The following TRIM2 variants were observed in gnomAD, a reference collection of about 807,000 sequenced individuals.
TRIM2 encodes the protein tripartite motif containing 2.
TRIM2 carries 20 observed loss-of-function variants against 75.2 expected under a neutral mutation model. The ratio of observed to expected loss-of-function variants is 0.27; its 90% confidence interval spans 0.19 to 0.39. TRIM2 has a LOEUF of 0.39. Ranked by LOEUF, TRIM2 falls within the 10% of genes least tolerant of loss-of-function variation. TRIM2 has a pLI of 1.00. For missense variants in TRIM2, 660 were observed against 990.8 expected (o/e 0.67, Z 4.48); for synonymous variants, 373 against 388.3 (o/e 0.96, Z 0.46).
intron 6 of TRIM2, among the ~76,000 whole-genome samples, chr4:153,302,278 T>C (rs1043384352): frequency 6.6e-6 from 1 of 152,218 alleles, no homozygotes; most frequent in Non-Finnish European, 1.5e-5. Context: ...ATCCAGTATC[T>C]AGTCAAAAGA....
In TRIM2 at chr4:153,336,522, T is replaced by G. The variant is rs2149612255; in HGVS notation, c.*1556T>G. 1.0e-6 allele frequency: 1 copy of G among 985,820 alleles called. No homozygotes were observed. Among genetic ancestry groups the G allele is most frequent in the South Asian group, 4.7e-5 (1 of 21,290 alleles). The allele number at this position is 985,820 out of a possible 1,614,324, so 61.1% of individuals were successfully genotyped here. ...TACTGTAAAATAAGCTGTGGTCTATTTCCACTGTTTAATTTTCTACTCAGT... is the reference window on the plus strand; with the variant it reads ...TACTGTAAAATAAGCTGTGGTCTATGTCCACTGTTTAATTTTCTACTCAGT... On this transcript the variant is annotated 3_prime_UTR_variant, in exon 12 of 12. Transcript: ENST00000338700.
chr4:153,270,290 T>C, intron 1 of TRIM2, 45 bp from the exon 2 acceptor site: 1 of 1,578,212 alleles, frequency 6.3e-7, no homozygotes. Context: ...GACTTGTACC[T>C]ACAGATCATT....
chr4:153,169,072 TATCTCAAAAA>T (rs566629659), intron 1 of TRIM2, among the ~76,000 whole-genome samples: 344 of 149,490 alleles, frequency 2.3e-3, no homozygotes, highest in African/African-American at 7.6e-3. Context: ...GAGCGAGACT[TATCTCAAAAA>T]AAAAAGTCTT....
intron 6 of TRIM2, among the ~76,000 whole-genome samples, chr4:153,307,463 G>A (rs1765273059): frequency 1.3e-5 from 2 of 152,110 alleles, no homozygotes; most frequent in Admixed American, 1.3e-4. Context: ...TTTTTTACTT[G>A]TTTCTAAAGT....
intron 1 of TRIM2, among the ~76,000 whole-genome samples, chr4:153,196,597 T>G (rs544299812): frequency 3.9e-5 from 6 of 152,240 alleles, no homozygotes; most frequent in Non-Finnish European, 8.8e-5. Flanking sequence ...GCTGTATTCA[T>G]GTCATTACCG....
chr4:153,174,802 G>A (rs1731244998), intron 1 of TRIM2, among the ~76,000 whole-genome samples: 1 of 152,212 alleles, frequency 6.6e-6, no homozygotes, highest in African/African-American at 2.4e-5. Context: ...CATAAAGACA[G>A]GTGAGAGGAA....
In TRIM2 at chr4:153,336,788, T is replaced by A; in HGVS notation, c.*1822T>A. ...TAAATTTATTATGCCCAAATCAACC[T>A]CTGAAAAAAGGTTTTTCCAGGAAGA... On this transcript the variant is annotated 3_prime_UTR_variant, in exon 12 of 12. Transcript: ENST00000338700. The A allele has an allele frequency of 1.0e-6, 1 of 985,680 alleles. No homozygotes were observed. 61.1% of individuals were successfully genotyped at this position (985,680 alleles called of 1,614,324 possible). A position where few individuals can be genotyped will look rare whatever the true frequency, so the allele number is the denominator to read the frequency against.
rs1413044758 is a variant in TRIM2, at chr4:153,339,054, C to G, written c.*4088C>G. 1.0e-6 allele frequency: 1 copy of G among 985,276 alleles called. No homozygotes were observed. Among genetic ancestry groups the G allele is most frequent in the African/African-American group, 1.8e-5 (1 of 57,084 alleles). 61.0% of individuals were successfully genotyped at this position (985,276 alleles called of 1,614,324 possible). A position where few individuals can be genotyped will look rare whatever the true frequency, so the allele number is the denominator to read the frequency against. The stretch of plus-strand genomic sequence containing the variant: ...TATAGAACACTAAGTCTTGCACTCT[C>G]TGACATTGATACTGATATATTCTCG... On this transcript the variant is annotated 3_prime_UTR_variant, in exon 12 of 12. Transcript: ENST00000338700.
chr4:153,181,419 A>T (rs946496076), intron 1 of TRIM2, among the ~76,000 whole-genome samples: 1 of 152,128 alleles, frequency 6.6e-6, no homozygotes, highest in African/African-American at 2.4e-5. Context: ...CGACCATGTG[A>T]TGGCCAGGTT....
chr4:153,338,312 T>C lies in TRIM2; in HGVS notation c.*3346T>C, dbSNP rs1369932340. 4 of 985,714 alleles carry C rather than the reference T, an allele frequency of 4.1e-6. No individual in the cohort carries two copies. Among genetic ancestry groups the C allele is most frequent in the Non-Finnish European group, 4.8e-6 (4 of 829,922 alleles). The allele number at this position is 985,714 out of a possible 1,614,324, so 61.1% of individuals were successfully genotyped here. A position where few individuals can be genotyped will look rare whatever the true frequency, so the allele number is the denominator to read the frequency against. On this transcript the variant is annotated 3_prime_UTR_variant, in exon 12 of 12. Transcript: ENST00000338700. Reference sequence around the variant, plus strand: ...TAGGTAATCTGCAGATTACTTCAAATGGGAAAAATCTTTTTGTAGACTCTA... The same window carrying C: ...TAGGTAATCTGCAGATTACTTCAAACGGGAAAAATCTTTTTGTAGACTCTA...
chr4:153,338,484 G>C lies in TRIM2; in HGVS notation c.*3518G>C, dbSNP rs1772708430. Reference sequence around the variant, plus strand: ...TATCTAATTTAGCTTAAAAGTGAAAGTGGTAATACTGTTGGTTTCTGTAAA... The same window carrying C: ...TATCTAATTTAGCTTAAAAGTGAAACTGGTAATACTGTTGGTTTCTGTAAA... On this transcript the variant is annotated 3_prime_UTR_variant, in exon 12 of 12. Coordinates refer to ENST00000338700, the MANE Select transcript of TRIM2 (RefSeq NM_015271.5). 7.1e-6 allele frequency: 7 copies of C among 985,424 alleles called. No homozygotes were observed. The highest frequency in any genetic ancestry group is 1.7e-5 in the African/African-American group (1 of 57,178). The allele number at this position is 985,424 out of a possible 1,614,324, so 61.0% of individuals were successfully genotyped here.
chr4:153,261,842 A>AT (rs1753660194), intron 1 of TRIM2, among the ~76,000 whole-genome samples: 1 of 152,266 alleles, frequency 6.6e-6, no homozygotes, highest in South Asian at 2.1e-4. Context: ...GGACATAGGC[A>AT]TTTTTCTCTC....
chr4:153,207,402 T>C lies in TRIM2; in HGVS notation c.30+2842T>C, dbSNP rs77234443. ...ACGAACCTGGAGTCCAGCCTCACTT[T>C]CGTTGTTTTACTTATATGTTATTGG... On this transcript the variant is annotated intron_variant, in intron 1 of 11. Transcript: ENST00000338700. Among the ~76,000 whole-genome samples, 70 of 152,316 alleles carry C rather than the reference T, an allele frequency of 4.6e-4. 2 individuals are homozygous for C. The East Asian group carries it at 0.011, about 24-fold the overall frequency.
chr4:153,178,158 C>A (rs950045358), intron 1 of TRIM2, among the ~76,000 whole-genome samples: 5 of 152,136 alleles, frequency 3.3e-5, no homozygotes, highest in Non-Finnish European at 7.3e-5. Flanking sequence ...TGGCTCCTGG[C>A]AGCCTCCATA....
At chr4:153,299,093 C>T (rs1312007775) in intron 6 of TRIM2, among the ~76,000 whole-genome samples, 1 of 152,086 alleles carries the variant, frequency 6.6e-6, no homozygotes, top group Admixed American at 6.5e-5. Context: ...GAACTTATCC[C>T]TCTTATTTAA....
intron 1 of TRIM2, among the ~76,000 whole-genome samples, chr4:153,231,460 T>C (rs1407914573): frequency 6.6e-6 from 1 of 152,088 alleles, no homozygotes; most frequent in Non-Finnish European, 1.5e-5. Flanking sequence ...AAGGGCACAA[T>C]GGGCATTGGG....
chr4:153,170,500 C>T (rs565248497), intron 1 of TRIM2, among the ~76,000 whole-genome samples: 15 of 152,136 alleles, frequency 9.9e-5, no homozygotes, highest in East Asian at 1.9e-4. Context: ...AAGCATCTGC[C>T]GCATGGTTGC....
At chr4:153,233,266 T>A (rs1744145483) in intron 1 of TRIM2, among the ~76,000 whole-genome samples, 1 of 152,022 alleles carries the variant, frequency 6.6e-6, no homozygotes, top group South Asian at 2.1e-4. Flanking sequence ...AGACTTTGGT[T>A]TAGCTAAAAT....
At chr4:153,272,976 C>T (rs1396746513) in intron 2 of TRIM2, among the ~76,000 whole-genome samples, 3 of 152,026 alleles carry the variant, frequency 2.0e-5, no homozygotes, top group Non-Finnish European at 4.4e-5. Flanking sequence ...GTAGCTGGGA[C>T]TACAGGCATG....
Sources: gnomAD v4.1 joint callset for allele counts (sites outside exome capture counted in the v4.1 genomes callset) on GRCh38, gnomAD v4.1.1 for gene constraint, MANE v1.5 for transcripts, NCBI Gene and HGNC (gene_info 2026-07-23, HGNC 2026-07-21) for gene names.